TMPRSS11B: variants seen among roughly 807,000 people sequenced by gnomAD.
The protein encoded by TMPRSS11B is transmembrane serine protease 11B, also known as transmembrane protease serine 11B.
Under a neutral mutation model 44.7 loss-of-function variants are expected in TMPRSS11B, and 53 were observed. The ratio of observed to expected loss-of-function variants is 1.19; its 90% CI spans 0.95 to 1.49. The LOEUF is 1.49. Ranked by LOEUF, TMPRSS11B falls within the 40% of genes most tolerant of loss-of-function variation. The probability of loss-of-function intolerance (pLI) is 0.00; values close to 1 mark genes in which losing one functional copy is unlikely to be tolerated. For synonymous variants in TMPRSS11B, 140 were observed against 159.2 expected, an observed-to-expected ratio of 0.88 and a Z score of 0.91; for missense variants, 526 against 494.8, an observed-to-expected ratio of 1.06 and a Z score of -0.60.
At chr4:68,230,910 A>G (rs938139244) in intron 7 of TMPRSS11B, among the ~76,000 whole-genome samples, 3 of 152,188 alleles carry the variant, frequency 2.0e-5, no homozygotes, top group African/African-American at 7.2e-5. Flanking sequence ...CCTTCCATAC[A>G]GAATTGAATG....
chr4:68,229,767 G>A (rs920256687), intron 7 of TMPRSS11B: 2 of 343,908 alleles, frequency 5.8e-6, no homozygotes, highest in East Asian at 5.4e-5. Flanking sequence ...GTTTTCCCCT[G>A]CTTATTCAGT....
At chr4:68,229,214 A>G (rs1302864803) in intron 8 of TMPRSS11B, 43 bp downstream of exon 8, 1 of 1,451,994 alleles carries the variant, frequency 6.9e-7, no homozygotes, top group Non-Finnish European at 9.4e-7. Flanking sequence ...TTGATTAAAT[A>G]GTTATTCCCA....
intron 6 of TMPRSS11B, 32 bp from the exon 7 acceptor site, chr4:68,231,412 G>T (rs1373534857): frequency 3.9e-6 from 6 of 1,541,852 alleles, no homozygotes; most frequent in Non-Finnish European, 4.4e-6. Flanking sequence ...ACGAGAGCAG[G>T]TATCTTTGAT....
rs1719389154 is a variant in TMPRSS11B at position 68,227,589 on chromosome 4, T to C, written c.*322A>G. ...CATGCCTAGCTAATTTTTGTATTTTTTGAACACGGATTTAGCCATGTTTCC... is the reference window on the plus strand; with the variant it reads ...CATGCCTAGCTAATTTTTGTATTTTCTGAACACGGATTTAGCCATGTTTCC... On this transcript the variant is annotated 3_prime_UTR_variant, in exon 10 of 10. Coordinates refer to ENST00000332644, the MANE Select transcript of TMPRSS11B (RefSeq NM_182502.3). The C allele has an allele frequency of 6.5e-6, 1 of 153,036 alleles. No individual in the cohort carries two copies. Among genetic ancestry groups the C allele is most frequent in the African/African-American group, 2.4e-5 (1 of 41,340 alleles). 9.5% of individuals were successfully genotyped at this position (153,036 alleles called of 1,614,324 possible). A position where few individuals can be genotyped will look rare whatever the true frequency, so the allele number is the denominator to read the frequency against.
chr4:68,230,581 A>T (rs1173528445), intron 7 of TMPRSS11B, among the ~76,000 whole-genome samples: 4 of 151,534 alleles, frequency 2.6e-5, no homozygotes, highest in African/African-American at 9.7e-5. Context: ...AGGCAGGCGG[A>T]TCACTTAAGG....
intron 8 of TMPRSS11B, 65 bp downstream of exon 8, chr4:68,229,192 T>C (rs1374158521): frequency 7.8e-7 from 1 of 1,288,884 alleles, no homozygotes; most frequent in Non-Finnish European, 1.0e-6. Flanking sequence ...GATTGATTGA[T>C]TGATTGATTG....
At chr4:68,239,247 C>G (rs1560444235) in intron 2 of TMPRSS11B, among the ~76,000 whole-genome samples, 1 of 151,800 alleles carries the variant, frequency 6.6e-6, no homozygotes, top group African/African-American at 2.4e-5. Context: ...CCAGATCTCT[C>G]TTGCGCGCTC....
In TMPRSS11B at chr4:68,227,923, C is replaced by A; in HGVS notation, c.1239G>T (p.Lys413Asn). The change falls in exon 10 of 10, where the codon AAG (lysine) becomes AAT (asparagine). Residue 413 changes from lysine to asparagine, a missense_variant. Lys to Asn is a moderately conservative substitution (Grantham distance 94). Coordinates refer to ENST00000332644, the MANE Select transcript of TMPRSS11B (RefSeq NM_182502.3). ...VTSYRNWITS[K>N]TGL ...AATTCCTTTTTTTTCAGAGTCCAGT[C>A]TTGGATGTAATCCAATTGCGATAAG... 3.7e-6 allele frequency: 6 copies of A among 1,610,848 alleles called. No individual in the cohort carries two copies. Among genetic ancestry groups the A allele is most frequent in the Non-Finnish European group, 5.1e-6 (6 of 1,178,928 alleles).
In TMPRSS11B at chr4:68,242,322, TATA is replaced by T. The variant is rs1453054086; in HGVS notation, c.9-521_9-519del. 2.4e-4 allele frequency among the ~76,000 whole-genome samples: 16 copies of T among 67,950 alleles called. 1 individual carries two copies. Among genetic ancestry groups the T allele is most frequent in the Admixed American group, 4.9e-4 (2 of 4,076 alleles). 44.6% of individuals were successfully genotyped at this position (67,950 alleles called of 152,430 possible). A position where few individuals can be genotyped will look rare whatever the true frequency, so the allele number is the denominator to read the frequency against. ...AATATAATATATATAATATTATATA[TATA>T]ATATTATATTATATATATATTATAT... is the stretch of plus-strand genomic sequence containing the variant. On this transcript the variant is annotated intron_variant, in intron 1 of 9. Coordinates refer to ENST00000332644, the MANE Select transcript of TMPRSS11B (RefSeq NM_182502.3).
intron 1 of TMPRSS11B, among the ~76,000 whole-genome samples, chr4:68,242,460 TGG>T (rs1719888217): frequency 2.2e-5 from 3 of 133,994 alleles, no homozygotes; most frequent in African/African-American, 8.5e-5. Context: ...TAATTGCAGA[TGG>T]AAATACCATG....
chr4:68,230,295 A>G (rs1719472929), intron 7 of TMPRSS11B, among the ~76,000 whole-genome samples: 1 of 152,190 alleles, frequency 6.6e-6, no homozygotes. Context: ...TCCAGATTAA[A>G]TTTTACGTCA....
chr4:68,232,265 G>A, intron 6 of TMPRSS11B, 113 bp downstream of exon 6: 1 of 979,678 alleles, frequency 1.0e-6, no homozygotes, highest in South Asian at 1.7e-5. Flanking sequence ...TAGTAATTCG[G>A]AAAGCGTGTT....
In TMPRSS11B at chr4:68,241,756, A is replaced by G; in HGVS notation, c.57T>C (p.Phe19=). The G allele has an allele frequency of 1.2e-6, 2 of 1,613,538 alleles. No homozygotes were observed. The highest frequency in any genetic ancestry group is 1.7e-6 in the Non-Finnish European group (2 of 1,179,608). ...AGATTGCCGCCACTCCAAGAAAAAT[A>G]AAGATCGTAGTCCATAGTGGCCAAG... is the stretch of plus-strand genomic sequence containing the variant. ...QRSWPLWTTI[F]IFLGVAAILG... is the part of the protein sequence containing the mutation. The change falls in exon 2 of 10, where the codon TTT becomes TTC. Residue 19 remains phenylalanine (F), a synonymous_variant. Coordinates refer to ENST00000332644, the MANE Select transcript of TMPRSS11B (RefSeq NM_182502.3).
chr4:68,227,960 G>A lies in TMPRSS11B; in HGVS notation c.1202C>T (p.Thr401Ile), dbSNP rs528333518. ...CCAATTGCGATAAGAAGTCACTCGA[G>A]TATAGACACCTGGCTTATTCTTTTT... ...CGKKNKPGVY[T>I]RVTSYRNWIT... The change falls in exon 10 of 10, where the codon ACT becomes ATT. Residue 401 changes from threonine to isoleucine, a missense_variant. Coordinates refer to ENST00000332644, the MANE Select transcript of TMPRSS11B (RefSeq NM_182502.3). The A allele has an allele frequency of 4.3e-6, 7 of 1,613,558 alleles. No individual in the cohort carries two copies. In the South Asian group the frequency reaches 4.4e-5, roughly 10 times the overall value.
intron 7 of TMPRSS11B, 100 bp downstream of exon 7, chr4:68,231,103 A>G (rs1232046748): frequency 1.0e-6 from 1 of 1,003,920 alleles, no homozygotes; most frequent in Admixed American, 3.7e-5. Flanking sequence ...TAAATTTCAT[A>G]TGGCCTTGGT....
At chr4:68,244,780 T>TA (rs1719954486) in intron 1 of TMPRSS11B, among the ~76,000 whole-genome samples, 1 of 152,222 alleles carries the variant, frequency 6.6e-6, no homozygotes, top group Non-Finnish European at 1.5e-5. Context: ...AGCAAAGCAT[T>TA]AAAAAATATA....
chr4:68,239,295 C>G (rs1432138446), intron 2 of TMPRSS11B, among the ~76,000 whole-genome samples: 1 of 152,158 alleles, frequency 6.6e-6, no homozygotes, highest in Non-Finnish European at 1.5e-5. Context: ...CACTCTATCT[C>G]TCTCGCTCTC....
At chr4:68,232,355 T>A (rs1401677527) in intron 6 of TMPRSS11B, 23 bp downstream of exon 6, 5 of 1,604,066 alleles carry the variant, frequency 3.1e-6, no homozygotes, top group Middle Eastern at 3.4e-4. Context: ...ATCAAATTTA[T>A]AATTAAAAGG....
At position 68,236,183 on chromosome 4, in the gene TMPRSS11B, T is replaced by G. The variant is rs1002076839; in HGVS notation, c.208A>C (p.Ser70Arg). 6.2e-7 allele frequency: 1 copy of G among 1,612,234 alleles called. No individual in the cohort carries two copies. The highest frequency in any genetic ancestry group is 8.5e-7 in the Non-Finnish European group (1 of 1,179,144). ...TCAATATCTTTGCTTAGATTTGTGC[T>G]GGCTTGTGAAGCTGCGTTTTCACAA... ...DNCENAASQA[S>R]TNLSKDIETK... The change falls in exon 3 of 10, where the codon AGC (serine) becomes CGC (arginine). Residue 70 changes from serine (S) to arginine (R), a missense_variant. By Grantham distance (110) the Ser-to-Arg change is moderately radical. Transcript: ENST00000332644.
Sources: allele counts gnomAD v4.1 joint callset (sites outside exome capture counted in the v4.1 genomes callset), GRCh38; gene constraint gnomAD v4.1.1; transcripts MANE v1.5; gene names NCBI Gene and HGNC (gene_info 2026-07-23, HGNC 2026-07-21).